Variants in SRP54 observed in about 807,000 individuals in gnomAD.
SRP54 encodes the protein signal recognition particle 54.
Under a neutral mutation model 64.8 loss-of-function variants are expected in SRP54, and 10 were observed. The ratio of observed to expected loss-of-function variants is 0.15; its 90% confidence interval spans 0.10 to 0.26. SRP54 has a LOEUF of 0.26. Among genes scored for constraint, SRP54 ranks in the 10% least tolerant of loss-of-function variants. The probability of loss-of-function intolerance (pLI) is 1.00; values close to 1 mark genes in which losing one functional copy is unlikely to be tolerated. For missense variants in SRP54, 325 were observed against 613.7 expected, an observed-to-expected ratio of 0.53 and a Z score of 4.97; for synonymous variants, 193 against 185.6, an observed-to-expected ratio of 1.04 and a Z score of -0.32.
chr14:34,992,419 A>T (rs931929652), intron 1 of SRP54, among the ~76,000 whole-genome samples: 1 of 152,198 alleles, frequency 6.6e-6, no homozygotes, highest in Non-Finnish European at 1.5e-5. Context: ...ACCAGTTAAC[A>T]TGGAAAGTTA....
chr14:34,988,219 A>C (rs1422842296), intron 1 of SRP54, among the ~76,000 whole-genome samples: 1 of 152,144 alleles, frequency 6.6e-6, no homozygotes, highest in Non-Finnish European at 1.5e-5. Flanking sequence ...CATGAAAAAC[A>C]GTTCCTAAAT....
chr14:34,987,246 A>AAT (rs1555352659), intron 1 of SRP54, among the ~76,000 whole-genome samples: 3,522 of 109,658 alleles, frequency 0.032, 131 homozygotes, highest in African/African-American at 0.084. Context: ...AAAAAAAAAA[A>AAT]ATATATATAT....
At chr14:35,003,933 AAAAT>A (rs61509012) in intron 4 of SRP54, among the ~76,000 whole-genome samples, 123,074 of 147,696 alleles carry the variant, frequency 0.83, 51,683 homozygotes, top group Non-Finnish European at 0.89. Flanking sequence ...GACCTGTCTC[AAAAT>A]AAATAAATAA....
At chr14:35,004,404 G>C (rs192472145) in intron 4 of SRP54, 1 of 152,150 alleles carries the variant, frequency 6.6e-6, no homozygotes, top group Non-Finnish European at 1.5e-5. Flanking sequence ...CGAGAGATCT[G>C]CCTAACTCAG....
chr14:35,000,841 A>G, intron 3 of SRP54, 95 bp from the exon 4 acceptor site: 1 of 547,586 alleles, frequency 1.8e-6, no homozygotes, highest in South Asian at 3.8e-5. Flanking sequence ...GAATGACTGA[A>G]TGTTGTACAT....
chr14:35,008,204 C>G (rs1190730004), intron 5 of SRP54, among the ~76,000 whole-genome samples: 2 of 152,266 alleles, frequency 1.3e-5, no homozygotes, highest in Middle Eastern at 3.4e-3. Flanking sequence ...GCCTTGACCG[C>G]TTTATGCTAA....
chr14:34,987,125 G>A (rs546203885), intron 1 of SRP54, among the ~76,000 whole-genome samples: 1 of 149,396 alleles, frequency 6.7e-6, no homozygotes, highest in South Asian at 2.1e-4. Context: ...CAGCTACACG[G>A]GAGGCTGAGG....
chr14:34,999,504 G>A, intron 2 of SRP54, 54 bp from the exon 3 acceptor site: 2 of 1,339,514 alleles, frequency 1.5e-6, no homozygotes, highest in Non-Finnish European at 1.1e-6. Context: ...TGTTTTTATG[G>A]AACTGAAATG....
intron 15 of SRP54, among the ~76,000 whole-genome samples, chr14:35,028,820 A>G (rs1179180357): frequency 2.0e-5 from 3 of 152,126 alleles, no homozygotes; most frequent in African/African-American, 7.2e-5. Flanking sequence ...AGATCTTTTT[A>G]TGTATCACCT....
chr14:35,011,749 C>A, intron 8 of SRP54, 90 bp downstream of exon 8: 1 of 1,188,264 alleles, frequency 8.4e-7, no homozygotes, highest in Middle Eastern at 3.2e-4. Flanking sequence ...ATAAATTATT[C>A]TTTGCCTGTG....
chr14:34,995,711 A>AT (rs908959035), intron 1 of SRP54, among the ~76,000 whole-genome samples: 2 of 152,122 alleles, frequency 1.3e-5, no homozygotes, highest in Non-Finnish European at 2.9e-5. Flanking sequence ...GCATGTGACT[A>AT]TTTTTTGGAA....
intron 1 of SRP54, among the ~76,000 whole-genome samples, chr14:34,995,158 T>C (rs1439349665): frequency 7.2e-6 from 1 of 138,962 alleles, no homozygotes; most frequent in South Asian, 2.4e-4. Flanking sequence ...TGTGTGTGTG[T>C]GTGTGTGTGT....
intron 1 of SRP54, among the ~76,000 whole-genome samples, chr14:34,984,824 A>G (rs2043868539): frequency 6.6e-6 from 1 of 151,584 alleles, no homozygotes; most frequent in Admixed American, 6.6e-5. Context: ...TTTAGCCTCC[A>G]TCTCATGAGT....
At chr14:35,006,826 C>G (rs956757550) in intron 4 of SRP54, among the ~76,000 whole-genome samples, 3 of 152,112 alleles carry the variant, frequency 2.0e-5, no homozygotes, top group African/African-American at 7.2e-5. Flanking sequence ...TTTACTCTGT[C>G]TTTACAAAGG....
chr14:35,022,960 A>C lies in SRP54; in HGVS notation c.1207A>C (p.Ile403Leu), dbSNP rs2044558675. Residue 403 changes from isoleucine (I) to leucine (L), a missense_variant, in exon 14 of 16, where the codon ATC becomes CTC. By Grantham distance (5) the Ile-to-Leu change is conservative. Around this residue, in one of 3 missense-constraint regions of SRP54, gnomAD observed 146 missense variants for 337.4 expected, o/e 0.43. Coordinates refer to ENST00000216774, the MANE Select transcript of SRP54 (RefSeq NM_003136.4). ...AGTTTTTAGTAAACAACCAGGAAGA[A>C]TCCAAAGAGTAGCAAGAGGATCGGG... Reference protein sequence around the residue: ...AKVFSKQPGRIQRVARGSGVS... With the variant: ...AKVFSKQPGRLQRVARGSGVS... 6.2e-7 allele frequency: 1 copy of C among 1,613,932 alleles called. No individual in the cohort carries two copies. Among genetic ancestry groups the C allele is most frequent in the Non-Finnish European group, 8.5e-7 (1 of 1,179,988 alleles).
chr14:35,027,021 ACTTT>A lies in SRP54; in HGVS notation c.1328-1062_1328-1059del, dbSNP rs1338712545. 2.5e-3 allele frequency among the ~76,000 whole-genome samples: 346 copies of A among 137,024 alleles called. 2 individuals are homozygous for A. The highest frequency in any genetic ancestry group is 8.8e-3 in the African/African-American group (327 of 37,240). The allele number at this position is 137,024 out of a possible 152,430, so 89.9% of individuals were successfully genotyped here. A position where few individuals can be genotyped will look rare whatever the true frequency, so the allele number is the denominator to read the frequency against. On this transcript the variant is annotated intron_variant, in intron 14 of 15. Coordinates refer to ENST00000216774, the MANE Select transcript of SRP54 (RefSeq NM_003136.4). ...CTCTCAGACTCATACTTTACTTTCT[ACTTT>A]CTTTTTTTTTTTTTTTTCTTCTGAG...
At chr14:35,024,608 A>G (rs1235243267) in intron 14 of SRP54, among the ~76,000 whole-genome samples, 1 of 148,724 alleles carries the variant, frequency 6.7e-6, no homozygotes, top group African/African-American at 2.5e-5. Context: ...TAGCCAGCCT[A>G]TCTTTTTTTA....
At position 35,012,269 on chromosome 14, in the gene SRP54, T is replaced by A. The variant is rs17595338; in HGVS notation, c.636+610T>A. 4.0e-3 allele frequency among the ~76,000 whole-genome samples: 604 copies of A among 152,156 alleles called. 1 individual carries two copies. The highest frequency in any genetic ancestry group is 6.8e-3 in the Middle Eastern group (2 of 294). On this transcript the variant is annotated intron_variant, in intron 8 of 15. Coordinates refer to ENST00000216774, the MANE Select transcript of SRP54 (RefSeq NM_003136.4). ...ATTAGCCTTTAGTTTCTGTTGAATT[T>A]CCTTTTTAAAAATTCAGTTGGAAAT...
At chr14:34,986,820 A>G (rs2043902310) in intron 1 of SRP54, among the ~76,000 whole-genome samples, 1 of 152,042 alleles carries the variant, frequency 6.6e-6, no homozygotes, top group African/African-American at 2.4e-5. Flanking sequence ...CAGAGGTTGC[A>G]GTGAGCCGAG....
Sources: gnomAD v4.1 joint callset for allele counts (sites outside exome capture counted in the v4.1 genomes callset) on GRCh38, gnomAD v4.1.1 for gene constraint, gnomAD v4.1.1 regional missense constraint, MANE v1.5 for transcripts, NCBI Gene and HGNC (gene_info 2026-07-23, HGNC 2026-07-21) for gene names.